SERBP1: variants seen among roughly 807,000 people sequenced by gnomAD.
The protein encoded by SERBP1 is SERPINE1 mRNA binding protein 1, also known as SERPINE1 mRNA-binding protein 1.
In SERBP1, 6 loss-of-function variants were observed where a neutral mutation model predicts 50.2. The observed-to-expected ratio is 0.12, with a 90% confidence interval of 0.07 to 0.24. The LOEUF (loss-of-function observed/expected upper bound fraction) is 0.24. Ranked by LOEUF, SERBP1 falls within the 10% of genes least tolerant of loss-of-function variation. The pLI is 1.00. For missense variants in SERBP1, 346 were observed against 524.9 expected, an observed-to-expected ratio of 0.66 and a Z score of 3.33; for synonymous variants, 168 against 182.8, an observed-to-expected ratio of 0.92 and a Z score of 0.65.
intron 6 of SERBP1, 71 bp from the exon 7 acceptor site, chr1:67,415,410 C>T: frequency 2.1e-6 from 3 of 1,415,030 alleles, no homozygotes; most frequent in Middle Eastern, 3.7e-4. Context: ...AAATAATGAG[C>T]TTTCTTCTAA....
rs1666830038 is a variant in SERBP1 at position 67,411,253 on chromosome 1, A to C, written c.*1954T>G. On this transcript the variant is annotated 3_prime_UTR_variant, in exon 8 of 8. Coordinates refer to ENST00000361219, the MANE Select transcript of SERBP1 (RefSeq NM_001018069.2). ...ATATTGCTATGTTGTCTCTCACGAC[A>C]GCAATGGATGACACTGAGAAGTTGT... The C allele has an allele frequency of 6.6e-6, 1 of 152,182 alleles. No homozygotes were observed. The highest frequency in any genetic ancestry group is 2.4e-5 in the African/African-American group (1 of 41,462). 9.4% of individuals were successfully genotyped at this position (152,182 alleles called of 1,614,324 possible). A position where few individuals can be genotyped will look rare whatever the true frequency, so the allele number is the denominator to read the frequency against.
At chr1:67,429,966 C>G in intron 1 of SERBP1, 22 bp downstream of exon 1, 1 of 1,578,934 alleles carries the variant, frequency 6.3e-7, no homozygotes, top group Non-Finnish European at 8.6e-7. Flanking sequence ...CCAGTCTCCC[C>G]CACATTCTGC....
chr1:67,426,314 A>G (rs891061429), intron 1 of SERBP1, 29 bp from the exon 2 acceptor site: 1 of 1,545,034 alleles, frequency 6.5e-7, no homozygotes, highest in African/African-American at 1.4e-5. Flanking sequence ...CTGCATAAGC[A>G]AATTATTTTT....
chr1:67,420,383 G>C, intron 5 of SERBP1, 197 bp from the exon 6 acceptor site: 1 of 500,270 alleles, frequency 2.0e-6, no homozygotes, highest in East Asian at 3.3e-5. Flanking sequence ...GCTAATTAGA[G>C]ACAAGTAAGG....
At chr1:67,420,808 T>C (rs1667176214) in intron 5 of SERBP1, among the ~76,000 whole-genome samples, 1 of 152,210 alleles carries the variant, frequency 6.6e-6, no homozygotes, top group African/African-American at 2.4e-5. Context: ...TCACTACTAA[T>C]AGAACTATCC....
rs1666836829 is a variant in SERBP1, at chr1:67,411,385, ACT to A, written c.*1820_*1821del. 1 of 152,204 alleles carries A rather than the reference ACT, an allele frequency of 6.6e-6. No individual in the cohort carries two copies. The highest frequency in any genetic ancestry group is 2.4e-5 in the African/African-American group (1 of 41,450). 9.4% of individuals were successfully genotyped at this position (152,204 alleles called of 1,614,324 possible). Reference sequence around the variant, plus strand: ...TTAGATACTTGAAAAGTCTAAACACACTGATTTAGGAGTGCGTATGTTGCTGT... The same window carrying A: ...TTAGATACTTGAAAAGTCTAAACACAGATTTAGGAGTGCGTATGTTGCTGT... On this transcript the variant is annotated 3_prime_UTR_variant, in exon 8 of 8. Coordinates refer to ENST00000361219, the MANE Select transcript of SERBP1 (RefSeq NM_001018069.2).
rs1666778145 is a variant in SERBP1 at position 67,410,074 on chromosome 1, T to C, written c.*3133A>G. The C allele has an allele frequency of 6.6e-6, 1 of 152,234 alleles. No homozygotes were observed. Among genetic ancestry groups the C allele is most frequent in the Non-Finnish European group, 1.5e-5 (1 of 68,040 alleles). 9.4% of individuals were successfully genotyped at this position (152,234 alleles called of 1,614,324 possible). ...TGCATGCACCTGAGATCCCTGGAAT[T>C]TGCTATACCATTGGACTGGAGGTCC... On this transcript the variant is annotated 3_prime_UTR_variant, in exon 8 of 8. Transcript: ENST00000361219.
rs1470004370 is a variant in SERBP1, at chr1:67,430,071, T to G, written c.230A>C (p.Asp77Ala). 6.2e-7 allele frequency: 1 copy of G among 1,613,462 alleles called. No homozygotes were observed. The highest frequency in any genetic ancestry group is 8.5e-7 in the Non-Finnish European group (1 of 1,179,854). Residue 77 changes from aspartate to alanine, a missense_variant, in exon 1 of 8, where the codon GAC becomes GCC. Around this residue, in one of 5 missense-constraint regions of SERBP1, gnomAD observed 257 missense variants for 331.2 expected, o/e 0.78. Transcript: ENST00000361219. ...GCTGGGGGGCAGCGGGTTCTTGCGGTCTTTCTGGGACTCCTTGCGCAGCTG... is the reference window on the plus strand; with the variant it reads ...GCTGGGGGGCAGCGGGTTCTTGCGGGCTTTCTGGGACTCCTTGCGCAGCTG... Reference protein sequence around the residue: ...GKQLRKESQKDRKNPLPPSVG... With the variant: ...GKQLRKESQKARKNPLPPSVG...
rs986654245 is a variant in SERBP1 at position 67,430,362 on chromosome 1, C to T, written c.-62G>A. The T allele has an allele frequency of 8.9e-6, 13 of 1,461,528 alleles. No individual in the cohort carries two copies. The Admixed American group carries it at 2.7e-4, about 30-fold the overall frequency. 90.5% of individuals were successfully genotyped at this position (1,461,528 alleles called of 1,614,324 possible). A position where few individuals can be genotyped will look rare whatever the true frequency, so the allele number is the denominator to read the frequency against. The stretch of plus-strand genomic sequence containing the variant: ...AGCGGGCCGCGCCGAGCCAAGAGCG[C>T]CTGCTTCAGCTCTTCCCACAAGATG... On this transcript the variant is annotated 5_prime_UTR_variant, in exon 1 of 8. Transcript: ENST00000361219.
At chr1:67,423,230 C>T (rs1021268742) in intron 5 of SERBP1, among the ~76,000 whole-genome samples, 8 of 151,592 alleles carry the variant, frequency 5.3e-5, no homozygotes, top group African/African-American at 1.2e-4. Context: ...ACCCGGGAGG[C>T]GGAGGTTGCA....
Position 67,412,606 on chromosome 1 carries a change from T to A in SERBP1, c.*601A>T, listed in dbSNP as rs1666878681. 1 of 152,598 alleles carries A rather than the reference T, an allele frequency of 6.6e-6. No homozygotes were observed. The highest frequency in any genetic ancestry group is 1.5e-5 in the Non-Finnish European group (1 of 68,052). 9.5% of individuals were successfully genotyped at this position (152,598 alleles called of 1,614,324 possible). A position where few individuals can be genotyped will look rare whatever the true frequency, so the allele number is the denominator to read the frequency against. On this transcript the variant is annotated 3_prime_UTR_variant, in exon 8 of 8. Transcript: ENST00000361219. The stretch of plus-strand genomic sequence containing the variant: ...TATTTCTGTATATAAAGATTTAGCA[T>A]ATATATATAACAGCTATCATGAGAA...
chr1:67,429,673 C>T, intron 1 of SERBP1: 1 of 265,244 alleles, frequency 3.8e-6, no homozygotes, highest in Non-Finnish European at 7.1e-6. Flanking sequence ...GCCAAGGAAT[C>T]CGGCGGGAAG....
At chr1:67,429,655 G>A in intron 1 of SERBP1, 2 of 240,914 alleles carry the variant, frequency 8.3e-6, no homozygotes, top group Non-Finnish European at 1.6e-5. Context: ...CAGTCCATGC[G>A]CTCACCCGCC....
Position 67,420,070 on chromosome 1 carries a change from T to C in SERBP1, c.890A>G (p.Asn297Ser). 6.2e-7 allele frequency: 1 copy of C among 1,613,582 alleles called. No homozygotes were observed. Among genetic ancestry groups the C allele is most frequent in the Non-Finnish European group, 8.5e-7 (1 of 1,179,648 alleles). ...AKVEFNIRKP[N>S]EGADGQWKKG... ...CTTCCACTGCCCATCAGCACCTTCA[T>C]TTGGTTTTCGGATATTAAATTCTAC... The change falls in exon 6 of 8, where the codon AAT becomes AGT. Residue 297 changes from asparagine (N) to serine (S), a missense_variant. Physicochemically the swap from Asn to Ser is conservative, Grantham distance 46. Coordinates refer to ENST00000361219, the MANE Select transcript of SERBP1 (RefSeq NM_001018069.2).
rs1666708359 is a variant in SERBP1 at position 67,408,496 on chromosome 1, T to C, written c.*4711A>G. 3 of 151,814 alleles carry C rather than the reference T, an allele frequency of 2.0e-5. No homozygotes were observed. The highest frequency in any genetic ancestry group is 2.0e-4 in the Admixed American group (3 of 15,226). The allele number at this position is 151,814 out of a possible 1,614,324, so 9.4% of individuals were successfully genotyped here. The stretch of plus-strand genomic sequence containing the variant: ...TTCCCTTCCATTTAGAAGTGAACAA[T>C]TGGCTACCAGTTTAGTACAGAAGTA... On this transcript the variant is annotated 3_prime_UTR_variant, in exon 8 of 8. Transcript: ENST00000361219.
rs1256245110 is a variant in SERBP1, at chr1:67,430,398, G to C, written c.-98C>G. 1 of 1,305,676 alleles carries C rather than the reference G, an allele frequency of 7.7e-7. No homozygotes were observed. The highest frequency in any genetic ancestry group is 2.5e-5 in the East Asian group (1 of 39,856). The allele number at this position is 1,305,676 out of a possible 1,614,324, so 80.9% of individuals were successfully genotyped here. A position where few individuals can be genotyped will look rare whatever the true frequency, so the allele number is the denominator to read the frequency against. ...TCTTCCCACAAGATGGCCGGGCCGA[G>C]AGAGGGGGGCCGTCTTCTCTTCCGG... On this transcript the variant is annotated 5_prime_UTR_variant, in exon 1 of 8. Coordinates refer to ENST00000361219, the MANE Select transcript of SERBP1 (RefSeq NM_001018069.2).
At position 67,425,220 on chromosome 1, in the gene SERBP1, C is replaced by T. The variant is rs569288083; in HGVS notation, c.468G>A (p.Pro156=). ...GEGGEFSVDR[P]IIDRPIRGRG... ...GACCTCGAATAGGTCGGTCAATAAT[C>T]GGTCTATAATATAAACAAATAAATT... The change falls in exon 3 of 8, where the codon CCG becomes CCA. Residue 156 remains proline (P), a synonymous_variant. Coordinates refer to ENST00000361219, the MANE Select transcript of SERBP1 (RefSeq NM_001018069.2). The T allele has an allele frequency of 1.1e-5, 17 of 1,601,632 alleles. No homozygotes were observed. The South Asian group carries it at 1.5e-4, about 14-fold the overall frequency.
rs560252628 is a variant in SERBP1 at position 67,410,832 on chromosome 1, T to C, written c.*2375A>G. On this transcript the variant is annotated 3_prime_UTR_variant, in exon 8 of 8. Transcript: ENST00000361219. The stretch of plus-strand genomic sequence containing the variant: ...AAATCCAAGAAGTCCTTGGATTTTG[T>C]ATTTTACAAGAATTCAACTTTCCCA... 1 of 152,328 alleles carries C rather than the reference T, an allele frequency of 6.6e-6. No individual in the cohort carries two copies. Among genetic ancestry groups the C allele is most frequent in the Non-Finnish European group, 1.5e-5 (1 of 68,008 alleles). 9.4% of individuals were successfully genotyped at this position (152,328 alleles called of 1,614,324 possible).
chr1:67,426,049 A>G, intron 2 of SERBP1, 86 bp downstream of exon 2: 1 of 1,121,158 alleles, frequency 8.9e-7, no homozygotes, highest in Non-Finnish European at 1.3e-6. Flanking sequence ...CAGGAAGCAG[A>G]GGCTGCAGTG....
Sources: allele counts gnomAD v4.1 joint callset (sites outside exome capture counted in the v4.1 genomes callset), GRCh38; gene constraint gnomAD v4.1.1; regional missense constraint gnomAD v4.1.1; transcripts MANE v1.5; gene names NCBI Gene and HGNC (gene_info 2026-07-23, HGNC 2026-07-21).